Variants in PRSS48 observed in about 807,000 individuals in gnomAD.
PRSS48 encodes serine protease 48, also known as epidermis-specific serine protease-like protein.
In PRSS48, 21 loss-of-function variants were observed where a neutral mutation model predicts 25.6. The observed-to-expected ratio is 0.82, with a 90% confidence interval of 0.58 to 1.18. The LOEUF is 1.18. Ranked by LOEUF, PRSS48 falls within the 50% of genes most tolerant of loss-of-function variation. The pLI, the probability that PRSS48 is intolerant of heterozygous loss-of-function variation, is 0.00. For missense variants in PRSS48, 373 were observed against 399.3 expected, an observed-to-expected ratio of 0.93 and a Z score of 0.56; for synonymous variants, 150 against 149.3, an observed-to-expected ratio of 1.00 and a Z score of -0.04.
chr4:151,284,633 G>A (rs1190295549), intron 4 of PRSS48, among the ~76,000 whole-genome samples: 4 of 152,134 alleles, frequency 2.6e-5, no homozygotes, highest in South Asian at 2.1e-4. Context: ...CTTGGAAAAC[G>A]TTTTCCTGTT....
intron 2 of PRSS48, 40 bp from the exon 3 acceptor site, chr4:151,282,108 G>C: frequency 6.2e-7 from 1 of 1,606,300 alleles, no homozygotes; most frequent in Non-Finnish European, 8.5e-7. Context: ...TTCTGACCCA[G>C]CTGCAGGCCA....
chr4:151,284,202 A>T (rs1431058154), intron 4 of PRSS48, among the ~76,000 whole-genome samples: 2 of 152,202 alleles, frequency 1.3e-5, no homozygotes, highest in Non-Finnish European at 2.9e-5. Context: ...TTCTAGATGA[A>T]ACCATAAACT....
rs573836826 is a variant in PRSS48, at chr4:151,286,872, C to T, written c.651+3586C>T. Among the ~76,000 whole-genome samples, 152 of 151,584 alleles carry T rather than the reference C, an allele frequency of 1.0e-3. 1 individual carries two copies. Among genetic ancestry groups the T allele is most frequent in the African/African-American group, 3.5e-3 (145 of 41,390 alleles). ...GCATGTGCCTGTATTCCCAGCTACT[C>T]GGGAGGCTGAGGCATGAGAATCACT... On this transcript the variant is annotated intron_variant, in intron 4 of 4. Transcript: ENST00000455694.
chr4:151,281,467 G>A (rs898780950), intron 2 of PRSS48, among the ~76,000 whole-genome samples: 2 of 152,116 alleles, frequency 1.3e-5, no homozygotes, highest in East Asian at 1.9e-4. Context: ...GTGGGAGGTG[G>A]GGGGTAGACA....
chr4:151,284,250 ATTTTAT>A (rs1234161307), intron 4 of PRSS48, among the ~76,000 whole-genome samples: 3 of 152,162 alleles, frequency 2.0e-5, no homozygotes, highest in East Asian at 3.8e-4. Flanking sequence ...ACACAAGTCC[ATTTTAT>A]TTTTATGTTT....
chr4:151,285,652 G>C (rs1462822700), intron 4 of PRSS48, among the ~76,000 whole-genome samples: 3 of 152,010 alleles, frequency 2.0e-5, no homozygotes, highest in Admixed American at 2.0e-4. Flanking sequence ...CAAGACACTG[G>C]AAAAAGAAGT....
At chr4:151,281,070 G>A (rs1285041489) in intron 2 of PRSS48, among the ~76,000 whole-genome samples, 1 of 152,106 alleles carries the variant, frequency 6.6e-6, no homozygotes, top group African/African-American at 2.4e-5. Context: ...ACACAGAAGA[G>A]AATCCCTAAG....
In PRSS48 at chr4:151,279,874, G is replaced by GGT; in HGVS notation, c.131_132insGT (p.Ser44ArgfsTer20). On this transcript the variant is annotated frameshift_variant, in exon 2 of 5. Transcript: ENST00000455694. LOFTEE classifies it high-confidence loss of function. ...GCAGGGCGCTGGCCTTGGCAGGTCA[G>GGT]CCTACACTTTGACCACAACTTTATC... 6.2e-7 allele frequency: 1 copy of GGT among 1,613,640 alleles called. No individual in the cohort carries two copies. Among genetic ancestry groups the GGT allele is most frequent in the Non-Finnish European group, 8.5e-7 (1 of 1,179,866 alleles).
chr4:151,286,572 T>C (rs1022189811), intron 4 of PRSS48, among the ~76,000 whole-genome samples: 4 of 122,434 alleles, frequency 3.3e-5, no homozygotes, highest in African/African-American at 1.2e-4. Context: ...ATAAACCTAA[T>C]AAAAAGTAAA....
exon 3 of PRSS48, chr4:151,282,172 T>G: frequency 6.2e-7 from 1 of 1,613,916 alleles, no homozygotes; most frequent in Non-Finnish European, 8.5e-7. Context: ...TTTCATATAC[T>G]GTGTGGCTAG....
exon 5 of PRSS48, chr4:151,291,200 G>A: frequency 3.1e-6 from 5 of 1,613,422 alleles, no homozygotes; most frequent in Non-Finnish European, 4.2e-6. Flanking sequence ...TTAGAATGTG[G>A]TAAATCTCTT....
At position 151,277,206 on chromosome 4, in the gene PRSS48, CT is replaced by C; in HGVS notation, c.36del (p.Leu13CysfsTer17). The C allele has an allele frequency of 6.7e-7, 1 of 1,503,738 alleles. No homozygotes were observed. Among genetic ancestry groups the C allele is most frequent in the Non-Finnish European group, 9.0e-7 (1 of 1,114,182 alleles). 93.1% of individuals were successfully genotyped at this position (1,503,738 alleles called of 1,614,324 possible). Reference sequence around the variant, plus strand: ...TGCTGGCTGTGCCTTCACGCTGCTCCTTCTGCTGGGGATCTCAGGTGAGCGC... The same window carrying C: ...TGCTGGCTGTGCCTTCACGCTGCTCCTCTGCTGGGGATCTCAGGTGAGCGC... On this transcript the variant is annotated frameshift_variant, in exon 1 of 5. Transcript: ENST00000455694. LOFTEE classifies it high-confidence loss of function.
chr4:151,278,165 C>T (rs1026322747), intron 1 of PRSS48, among the ~76,000 whole-genome samples: 3 of 152,218 alleles, frequency 2.0e-5, no homozygotes, highest in Admixed American at 2.0e-4. Context: ...AAACAGCTTG[C>T]AACCTCAACC....
intron 4 of PRSS48, among the ~76,000 whole-genome samples, chr4:151,285,764 G>C (rs1009223666): frequency 6.6e-6 from 1 of 152,052 alleles, no homozygotes; most frequent in African/African-American, 2.4e-5. Context: ...CTACTTAGGA[G>C]ACTGGGGCAG....
In PRSS48 at chr4:151,279,822, C is replaced by T. The variant is rs776335390; in HGVS notation, c.79C>T (p.Arg27Cys). The T allele has an allele frequency of 2.2e-5, 35 of 1,613,820 alleles. No homozygotes were observed. The highest frequency in any genetic ancestry group is 1.7e-4 in the Middle Eastern group (1 of 6,044). Residue 27 changes from arginine to cysteine, a missense_variant, in exon 2 of 5, where the codon CGC becomes TGC. By Grantham distance (180) the Arg-to-Cys change is radical. Coordinates refer to ENST00000455694, the Ensembl canonical transcript of PRSS48. The stretch of plus-strand genomic sequence containing the variant: ...GTGTGGGCAACCTGTATACTCCAGC[C>T]GCGTTGTAGGTGGCCAGGATGCTGC...
intron 4 of PRSS48, among the ~76,000 whole-genome samples, chr4:151,289,999 G>A (rs1252724443): frequency 6.6e-6 from 1 of 152,210 alleles, no homozygotes; most frequent in Non-Finnish European, 1.5e-5. Flanking sequence ...CTGTCACCCA[G>A]GTTGAAGTGC....
At position 151,283,303 on chromosome 4, in the gene PRSS48, G is replaced by C. The variant is rs1474795205; in HGVS notation, c.651+17G>C. ...AGTTGCAAGGTCAGGGTTTGCTCTA[G>C]AGAATTTTTTTTTAAACATGAGATC... On this transcript the variant is annotated intron_variant, in intron 4 of 4. Coordinates refer to ENST00000455694, the Ensembl canonical transcript of PRSS48. 10 of 1,607,676 alleles carry C rather than the reference G, an allele frequency of 6.2e-6. No homozygotes were observed. Among genetic ancestry groups the C allele is most frequent in the Admixed American group, 1.7e-5 (1 of 59,206 alleles).
intron 4 of PRSS48, among the ~76,000 whole-genome samples, chr4:151,288,134 G>A (rs1169765961): frequency 6.6e-6 from 1 of 151,234 alleles, no homozygotes; most frequent in East Asian, 1.9e-4. Flanking sequence ...TTTTCAACTC[G>A]ATCAAGTGCA....
At chr4:151,291,389 A>AAGCTGT (rs755587038) in exon 5 of PRSS48, 4 of 1,614,012 alleles carry the variant, frequency 2.5e-6, no homozygotes, top group Non-Finnish European at 2.5e-6. Flanking sequence ...ACTGTAGCTG[A>AAGCTGT]AGCTGTTGCT....
Sources: gnomAD v4.1 joint callset for allele counts (sites outside exome capture counted in the v4.1 genomes callset) on GRCh38, gnomAD v4.1.1 for gene constraint, MANE v1.5 for transcripts, NCBI Gene and HGNC (gene_info 2026-07-23, HGNC 2026-07-21) for gene names.